Variants in NBAS observed in about 807,000 individuals in gnomAD.
NBAS encodes NAG/BC035112 fusion.
A neutral mutation model predicts 302.5 loss-of-function variants in NBAS; 219 were observed. The ratio of observed to expected loss-of-function variants is 0.72; its 90% CI spans 0.65 to 0.81. The LOEUF is 0.81. Among genes scored for constraint, NBAS ranks in the 30% least tolerant of loss-of-function variants. The pLI is 0.00. For missense variants in NBAS, 2,932 were observed against 2,841.6 expected, an observed-to-expected ratio of 1.03 and a Z score of -0.72; for synonymous variants, 1,118 against 1,021.6, an observed-to-expected ratio of 1.09 and a Z score of -1.80.
chr2:15,442,114 C>A (rs981335504), intron 21 of NBAS, among the ~76,000 whole-genome samples: 2 of 130,438 alleles, frequency 1.5e-5, no homozygotes, highest in African/African-American at 2.9e-5. Context: ...AGATAGTTAA[C>A]AAGGATACCC....
intron 47 of NBAS, 122 bp from the exon 48 acceptor site, chr2:15,219,090 T>A (rs1372250215): frequency 8.2e-7 from 1 of 1,220,012 alleles, no homozygotes; most frequent in South Asian, 1.4e-5. Flanking sequence ...TTTTTCCTCT[T>A]GAAAGGAAAA....
At chr2:14,981,680 C>T in the NBAS span, among the ~76,000 whole-genome samples, 18 of 152,264 alleles carry the variant, frequency 1.2e-4, no homozygotes, top group East Asian at 3.3e-3. Context: ...ATTTCTGGGC[C>T]AAAGTGATTA....
At chr2:15,278,452 C>G (rs551323558) in intron 42 of NBAS, among the ~76,000 whole-genome samples, 1 of 152,200 alleles carries the variant, frequency 6.6e-6, no homozygotes, top group African/African-American at 2.4e-5. Flanking sequence ...CCTTGTCTAT[C>G]TTCCTTCCTA....
intron 44 of NBAS, among the ~76,000 whole-genome samples, chr2:15,245,644 T>TGGAC (rs1322849319): frequency 0.024 from 3,510 of 149,150 alleles, 66 homozygotes; most frequent in Middle Eastern, 0.034. Context: ...GATGGATGGA[T>TGGAC]GGACGGACGG....
the NBAS span, among the ~76,000 whole-genome samples, chr2:14,855,944 G>A: frequency 6.6e-6 from 1 of 152,210 alleles, no homozygotes; most frequent in Non-Finnish European, 1.5e-5. Flanking sequence ...GCAGGGAGTG[G>A]TTACAGCAGG....
At chr2:15,403,837 C>G (rs553919705) in intron 25 of NBAS, among the ~76,000 whole-genome samples, 1 of 149,622 alleles carries the variant, frequency 6.7e-6, no homozygotes, top group African/African-American at 2.5e-5. Flanking sequence ...AAACAGCTAC[C>G]TTTTCCTGAT....
rs1454146286 is a variant in NBAS at position 15,536,620 on chromosome 2, T to A, written c.514-69A>T. ...AGATAAAAGTTAACACATGCATAAT[T>A]AGAGAATATCTGATACACTGGCTTC... On this transcript the variant is annotated intron_variant, in intron 7 of 51. Transcript: ENST00000281513. 7.8e-5 allele frequency: 105 copies of A among 1,354,766 alleles called. 1 individual carries two copies. Among genetic ancestry groups the A allele is most frequent in the Non-Finnish European group, 9.9e-5 (96 of 968,094 alleles). The allele number at this position is 1,354,766 out of a possible 1,614,324, so 83.9% of individuals were successfully genotyped here.
chr2:15,267,708 A>G (rs1051331440), intron 44 of NBAS, among the ~76,000 whole-genome samples: 3 of 152,312 alleles, frequency 2.0e-5, no homozygotes, highest in South Asian at 2.1e-4. Context: ...ATGTAATTTA[A>G]TATAAATATA....
At chr2:15,230,017 A>C (rs1167592130) in intron 47 of NBAS, among the ~76,000 whole-genome samples, 1 of 152,244 alleles carries the variant, frequency 6.6e-6, no homozygotes, top group East Asian at 1.9e-4. Flanking sequence ...GGTTATTGTC[A>C]AAACAGACAC....
the NBAS span, among the ~76,000 whole-genome samples, chr2:14,909,319 C>CA: frequency 0.036 from 1,692 of 46,364 alleles, 43 homozygotes; most frequent in East Asian, 0.086. Flanking sequence ...GACTCCGTCT[C>CA]AAAAAAAAAA....
At chr2:14,944,066 G>A in the NBAS span, among the ~76,000 whole-genome samples, 2 of 152,212 alleles carry the variant, frequency 1.3e-5, no homozygotes, top group Non-Finnish European at 2.9e-5. Context: ...TTGGGAGGCC[G>A]AGGCGGGCGG....
At chr2:15,196,763 T>A (rs1027602816) in intron 48 of NBAS, among the ~76,000 whole-genome samples, 3 of 152,194 alleles carry the variant, frequency 2.0e-5, no homozygotes, top group African/African-American at 7.2e-5. Flanking sequence ...GATTATCACT[T>A]CTACCTGCCT....
At chr2:15,302,045 G>C (rs933031669) in intron 40 of NBAS, among the ~76,000 whole-genome samples, 1 of 152,182 alleles carries the variant, frequency 6.6e-6, no homozygotes, top group African/African-American at 2.4e-5. Flanking sequence ...TGAAGACAAG[G>C]TGATGTTCAC....
the NBAS span, among the ~76,000 whole-genome samples, chr2:14,926,890 G>A: frequency 3.3e-5 from 5 of 152,212 alleles, no homozygotes; most frequent in Non-Finnish European, 5.9e-5. Flanking sequence ...TTGGCTGGGC[G>A]ACGACGCCCA....
chr2:15,208,754 A>G (rs1313369447), intron 48 of NBAS, among the ~76,000 whole-genome samples: 3 of 152,206 alleles, frequency 2.0e-5, no homozygotes, highest in Non-Finnish European at 4.4e-5. Flanking sequence ...GAAACAAATG[A>G]TAATGGAAAC....
At chr2:15,171,603 C>T (rs191072450) in intron 51 of NBAS, among the ~76,000 whole-genome samples, 177 of 152,264 alleles carry the variant, frequency 1.2e-3, no homozygotes, top group Non-Finnish European at 2.0e-3. Context: ...TCGAAATTAT[C>T]GGCATAGGAC....
the NBAS span, among the ~76,000 whole-genome samples, chr2:14,966,350 A>G: frequency 0.87 from 131,470 of 151,974 alleles, 59,423 homozygotes; most frequent in Non-Finnish European, 1. Flanking sequence ...GTAATCTACC[A>G]TATTAACACA....
At chr2:15,244,003 G>C (rs1667977389) in intron 44 of NBAS, among the ~76,000 whole-genome samples, 1 of 152,122 alleles carries the variant, frequency 6.6e-6, no homozygotes, top group Non-Finnish European at 1.5e-5. Flanking sequence ...AATGACTCAG[G>C]GCAGAGATCC....
chr2:14,892,573 C>T, the NBAS span, among the ~76,000 whole-genome samples: 2 of 152,148 alleles, frequency 1.3e-5, no homozygotes, highest in Non-Finnish European at 2.9e-5. Context: ...TTTAATTTAA[C>T]TATTCTTCTA....
Sources: allele counts gnomAD v4.1 joint callset (sites outside exome capture counted in the v4.1 genomes callset), GRCh38; gene constraint gnomAD v4.1.1; transcripts MANE v1.5; gene names NCBI Gene and HGNC (gene_info 2026-07-23, HGNC 2026-07-21).